NEK11: variants seen among roughly 807,000 people sequenced by gnomAD.
NEK11 encodes serine/threonine-protein kinase Nek11.
A neutral mutation model predicts 80.7 loss-of-function variants in NEK11; 72 were observed. That is an observed-to-expected ratio of 0.89 (90% CI 0.74 to 1.08). The LOEUF is 1.08. NEK11 is among the 50% of genes least tolerant of loss of function. NEK11 has a pLI of 0.00. For synonymous variants in NEK11, 251 were observed against 260.7 expected (o/e 0.96, Z 0.36); for missense variants, 764 against 763.6 (o/e 1.00, Z -0.01).
intron 16 of NEK11, among the ~76,000 whole-genome samples, chr3:131,266,824 A>G (rs1005057986): frequency 3.9e-5 from 6 of 152,136 alleles, no homozygotes; most frequent in Admixed American, 3.9e-4. Context: ...GTGTGAGTCT[A>G]AGTCTCTTTG....
chr3:131,150,453 G>A (rs1302858872), intron 7 of NEK11, among the ~76,000 whole-genome samples: 1 of 151,556 alleles, frequency 6.6e-6, no homozygotes, highest in Non-Finnish European at 1.5e-5. Flanking sequence ...ACACATTATT[G>A]GGTGTATATG....
chr3:131,182,838 G>T (rs187223527), intron 14 of NEK11, among the ~76,000 whole-genome samples: 36 of 152,252 alleles, frequency 2.4e-4, no homozygotes, highest in Non-Finnish European at 4.0e-4. Context: ...TAGAAGAAAT[G>T]AAAAAACTCA....
At chr3:131,174,668 A>G in intron 14 of NEK11, 1 of 1,265,728 alleles carries the variant, frequency 7.9e-7, no homozygotes, top group Non-Finnish European at 1.1e-6. Flanking sequence ...AATTATCCCC[A>G]TTTAACTTCT....
At chr3:131,271,927 C>T (rs1407758346) in intron 16 of NEK11, among the ~76,000 whole-genome samples, 1 of 151,758 alleles carries the variant, frequency 6.6e-6, no homozygotes, top group Non-Finnish European at 1.5e-5. Context: ...CAGGAGATAA[C>T]CTGTCTCTAC....
intron 4 of NEK11, among the ~76,000 whole-genome samples, chr3:131,086,332 T>A (rs1375037555): frequency 6.6e-6 from 1 of 152,248 alleles, no homozygotes; most frequent in Non-Finnish European, 1.5e-5. Context: ...CTCTATTCTT[T>A]ACCTAATTGT....
intron 5 of NEK11, among the ~76,000 whole-genome samples, chr3:131,121,394 C>G (rs2082349638): frequency 6.6e-6 from 1 of 152,204 alleles, no homozygotes; most frequent in South Asian, 2.1e-4. Context: ...TCTGTTGGCC[C>G]CTACTGGGAT....
chr3:131,215,290 GA>G (rs372822000), intron 14 of NEK11, among the ~76,000 whole-genome samples: 25,568 of 133,778 alleles, frequency 0.19, 3,091 homozygotes, highest in African/African-American at 0.35. Flanking sequence ...GGGGGAGGGG[GA>G]AGGGATAGCA....
chr3:131,243,337 AT>A (rs150346681), intron 15 of NEK11, 98 bp from the exon 16 acceptor site: 158,703 of 1,075,968 alleles, frequency 0.15, 12,795 homozygotes, highest in Admixed American at 0.23. Context: ...TTGGAACCAG[AT>A]TTTTTTTTCG....
chr3:131,172,615 C>G (rs1004855201), intron 14 of NEK11, among the ~76,000 whole-genome samples: 13 of 151,754 alleles, frequency 8.6e-5, no homozygotes, highest in Admixed American at 3.9e-4. Flanking sequence ...TGTTAATTTC[C>G]AAAAGTGAAA....
rs112622320 is a variant in NEK11 at position 131,176,270 on chromosome 3, T to G, written c.1399+5383T>G. 4.8e-3 allele frequency among the ~76,000 whole-genome samples: 735 copies of G among 152,324 alleles called. 5 individuals carry two copies. The highest frequency in any genetic ancestry group is 0.016 in the African/African-American group (671 of 41,578). On this transcript the variant is annotated intron_variant, in intron 14 of 17. Transcript: ENST00000383366. The stretch of plus-strand genomic sequence containing the variant: ...AGAAGCTGGTGGAGCTGCCTGGCTC[T>G]TTAGTTCTCAGAAAAGAAGACCAAA...
intron 4 of NEK11, among the ~76,000 whole-genome samples, chr3:131,103,711 T>C (rs2078740209): frequency 6.6e-6 from 1 of 152,202 alleles, no homozygotes; most frequent in Non-Finnish European, 1.5e-5. Flanking sequence ...AGTAGGGAGA[T>C]AGACCATACC....
At chr3:131,301,484 T>G (rs1445212570) in intron 17 of NEK11, among the ~76,000 whole-genome samples, 1 of 152,018 alleles carries the variant, frequency 6.6e-6, no homozygotes, top group Non-Finnish European at 1.5e-5. Flanking sequence ...GCTTTTTTTT[T>G]TTGTTCAGTA....
chr3:131,270,218 A>C (rs1466348119), intron 16 of NEK11, among the ~76,000 whole-genome samples: 1 of 152,188 alleles, frequency 6.6e-6, no homozygotes, highest in Non-Finnish European at 1.5e-5. Flanking sequence ...CCCAAAAAAC[A>C]GCTTTTCTCT....
In NEK11 at chr3:131,274,191, G is replaced by A. The variant is rs1328565325; in HGVS notation, c.1718+617G>A. 1.6e-4 allele frequency among the ~76,000 whole-genome samples: 23 copies of A among 143,654 alleles called. No homozygotes were observed. The East Asian group carries it at 4.8e-3, about 30-fold the overall frequency. The allele number at this position is 143,654 out of a possible 152,430, so 94.2% of individuals were successfully genotyped here. On this transcript the variant is annotated intron_variant, in intron 17 of 17. Coordinates refer to ENST00000383366, the MANE Select transcript of NEK11 (RefSeq NM_024800.5). The stretch of plus-strand genomic sequence containing the variant: ...ATCTCATTGTTCAATTCCCACCTAT[G>A]AGTGAGAATATGCGGTGTTTGGTTT...
In NEK11 at chr3:131,058,206, C is replaced by T. The variant is rs376993643; in HGVS notation, c.171-22217C>T. 9.3e-3 allele frequency among the ~76,000 whole-genome samples: 1,414 copies of T among 152,064 alleles called. 18 individuals are homozygous for T. Among genetic ancestry groups the T allele is most frequent in the African/African-American group, 0.031 (1,290 of 41,456 alleles). The stretch of plus-strand genomic sequence containing the variant: ...CAAAGATCAGATAGTTGTAGATATG[C>T]GGCGTTATTTCTGAGGGCTCTGTTC... On this transcript the variant is annotated intron_variant, in intron 3 of 17. Coordinates refer to ENST00000383366, the MANE Select transcript of NEK11 (RefSeq NM_024800.5).
intron 7 of NEK11, among the ~76,000 whole-genome samples, chr3:131,139,221 T>G (rs2086294430): frequency 6.6e-6 from 1 of 151,740 alleles, no homozygotes. Context: ...AGTTCTGGAC[T>G]TGAGAAATCC....
chr3:131,138,808 C>CTACA (rs2086207227), intron 7 of NEK11, among the ~76,000 whole-genome samples: 1 of 152,180 alleles, frequency 6.6e-6, no homozygotes, highest in Non-Finnish European at 1.5e-5. Context: ...TCTGTAAGAA[C>CTACA]TACAGTGTTA....
At chr3:131,067,364 A>G (rs2072232093) in intron 3 of NEK11, among the ~76,000 whole-genome samples, 1 of 152,230 alleles carries the variant, frequency 6.6e-6, no homozygotes, top group Admixed American at 6.5e-5. Context: ...ATTATTTCAT[A>G]TGTAAGTTGG....
intron 14 of NEK11, chr3:131,175,210 GT>G: frequency 1.4e-6 from 1 of 726,508 alleles, no homozygotes; most frequent in South Asian, 6.3e-5. Context: ...CTTTTAGATA[GT>G]TATCTGAAAG....
Sources: gnomAD v4.1 joint callset for allele counts (sites outside exome capture counted in the v4.1 genomes callset) on GRCh38, gnomAD v4.1.1 for gene constraint, MANE v1.5 for transcripts, NCBI Gene and HGNC (gene_info 2026-07-23, HGNC 2026-07-21) for gene names.